Variants in LUC7L observed in about 807,000 individuals in gnomAD.
LUC7L encodes the protein LUC7 like.
In LUC7L, 29 loss-of-function variants were observed where a neutral mutation model predicts 51.1. The observed-to-expected ratio is 0.57, with a 90% confidence interval of 0.42 to 0.77. The LOEUF (loss-of-function observed/expected upper bound fraction) is 0.77. Among genes scored for constraint, LUC7L ranks in the 30% least tolerant of loss-of-function variants. The pLI is 0.00. For missense variants in LUC7L, 403 were observed against 511.9 expected, an observed-to-expected ratio of 0.79 and a Z score of 2.05; for synonymous variants, 181 against 180.7, an observed-to-expected ratio of 1.00 and a Z score of -0.01.
chr16:202,296 G>C (rs1301876913), intron 5 of LUC7L, among the ~76,000 whole-genome samples: 1 of 152,032 alleles, frequency 6.6e-6, no homozygotes, highest in Non-Finnish European at 1.5e-5. Flanking sequence ...TCAGCTCTGA[G>C]GTGAACTCAC....
chr16:225,539 T>C (rs761618137), intron 2 of LUC7L, among the ~76,000 whole-genome samples: 6 of 133,734 alleles, frequency 4.5e-5, no homozygotes, highest in Non-Finnish European at 7.8e-5. Context: ...CAGGCTGGAG[T>C]GCAATGGCTC....
At chr16:215,768 A>G (rs1462102682) in intron 3 of LUC7L, among the ~76,000 whole-genome samples, 1 of 151,954 alleles carries the variant, frequency 6.6e-6, no homozygotes, top group Admixed American at 6.6e-5. Context: ...ATGCCACTGT[A>G]CTCCAGCCTG....
chr16:198,278 C>CAAAAAAA (rs35125597), intron 6 of LUC7L, among the ~76,000 whole-genome samples: 1 of 49,254 alleles, frequency 2.0e-5, no homozygotes, highest in Non-Finnish European at 3.3e-5. Context: ...GACTCCATCT[C>CAAAAAAA]AAAAAAAAAA....
chr16:220,441 AAC>A, intron 3 of LUC7L: 1 of 488,464 alleles, frequency 2.0e-6, no homozygotes, highest in Non-Finnish European at 3.6e-6. Context: ...AAAATGAGAT[AAC>A]ACATATTATC....
At chr16:189,911 G>T (rs2048964357) in intron 9 of LUC7L, 57 bp downstream of exon 9, 2 of 1,566,468 alleles carry the variant, frequency 1.3e-6, no homozygotes, top group Non-Finnish European at 8.7e-7. Flanking sequence ...CAGACCCTGG[G>T]AACACAGAGA....
At chr16:228,186 T>C (rs965913334) in intron 1 of LUC7L, 1 of 1,262,614 alleles carries the variant, frequency 7.9e-7, no homozygotes, top group Non-Finnish European at 1.0e-6. Context: ...AGAGGAGGAA[T>C]ATATTTTAGG....
intron 4 of LUC7L, 61 bp from the exon 5 acceptor site, chr16:206,208 C>T: frequency 6.6e-7 from 1 of 1,526,394 alleles, no homozygotes; most frequent in Non-Finnish European, 9.0e-7. Context: ...GCAAAGGCAA[C>T]AAGGGTTTCT....
At chr16:222,552 C>T (rs1337625401) in intron 2 of LUC7L, among the ~76,000 whole-genome samples, 1 of 151,910 alleles carries the variant, frequency 6.6e-6, no homozygotes, top group Non-Finnish European at 1.5e-5. Context: ...GGGAAGAGAT[C>T]GCTTGAGCCT....
At chr16:213,063 C>T (rs2049690307) in intron 3 of LUC7L, among the ~76,000 whole-genome samples, 1 of 152,004 alleles carries the variant, frequency 6.6e-6, no homozygotes, top group Non-Finnish European at 1.5e-5. Flanking sequence ...GCACACCTGG[C>T]CATCTGTAAC....
At chr16:216,008 GT>G (rs376983590) in intron 3 of LUC7L, among the ~76,000 whole-genome samples, 4 of 148,100 alleles carry the variant, frequency 2.7e-5, no homozygotes, top group Non-Finnish European at 3.0e-5. Context: ...CCGGTTTACT[GT>G]TTTTTTTTTG....
intron 7 of LUC7L, among the ~76,000 whole-genome samples, chr16:191,211 G>T (rs1203957): frequency 0.16 from 24,268 of 152,124 alleles, 2,293 homozygotes; most frequent in African/African-American, 0.25. Flanking sequence ...CTTTACAACA[G>T]ACACCAGCAC....
intron 3 of LUC7L, chr16:209,585 A>G (rs2049581080): frequency 6.6e-6 from 1 of 152,134 alleles, no homozygotes; most frequent in African/African-American, 2.4e-5. Flanking sequence ...TCAGCTTGCT[A>G]ATGTCAGCAT....
chr16:201,675 G>T (rs959106909), intron 5 of LUC7L, among the ~76,000 whole-genome samples: 3 of 148,920 alleles, frequency 2.0e-5, no homozygotes, highest in African/African-American at 7.4e-5. Flanking sequence ...TCCTGACCTC[G>T]TGATCCACCC....
chr16:219,388 A>G (rs2049902265), intron 3 of LUC7L, among the ~76,000 whole-genome samples: 1 of 152,106 alleles, frequency 6.6e-6, no homozygotes. Flanking sequence ...ACTCTGTCTC[A>G]AAATAAATAA....
At chr16:223,919 G>GCCT (rs764935530) in intron 2 of LUC7L, among the ~76,000 whole-genome samples, 4 of 151,400 alleles carry the variant, frequency 2.6e-5, no homozygotes, top group East Asian at 1.9e-4. Context: ...TGATCCACCC[G>GCCT]CCTCCTCCTC....
chr16:190,022 C>T lies in LUC7L; in HGVS notation c.920G>A (p.Arg307Gln), dbSNP rs561704484. The T allele has an allele frequency of 3.1e-4, 501 of 1,613,992 alleles. 15 individuals carry two copies. In the South Asian group the frequency reaches 3.2e-3, roughly 10 times the overall value. Residue 307 changes from arginine (R) to glutamine (Q), a missense_variant, in exon 9 of 10, where the codon CGG becomes CAG. Around this residue, in one of 3 missense-constraint regions of LUC7L, gnomAD observed 206 missense variants for 218.3 expected, o/e 0.94. Coordinates refer to ENST00000293872, the MANE Select transcript of LUC7L (RefSeq NM_201412.3). ...CCGACGATGTCCCCGGCTGTGGCTC[C>T]GGGAACGGCTGCGGTGGCGCCGATG... ...DRHRRHRSRS[R>Q]SHSRGHRRAS...
At chr16:229,047 G>T in intron 1 of LUC7L, 1 of 1,419,830 alleles carries the variant, frequency 7.0e-7, no homozygotes, top group Non-Finnish European at 9.2e-7. Context: ...GGAGGCTGAA[G>T]CCCCATCCAT....
intron 2 of LUC7L, among the ~76,000 whole-genome samples, chr16:224,842 A>AT (rs2050084034): frequency 1.3e-5 from 2 of 151,946 alleles, no homozygotes; most frequent in Non-Finnish European, 2.9e-5. Flanking sequence ...AAAAAAAAAA[A>AT]CCTCACATGA....
rs903162027 is a variant in LUC7L, at chr16:206,150, G to A, written c.367-3C>T. The A allele has an allele frequency of 1.2e-6, 2 of 1,611,830 alleles. No individual in the cohort carries two copies. Among genetic ancestry groups the A allele is most frequent in the Non-Finnish European group, 8.5e-7 (1 of 1,179,534 alleles). ...TTTAACTCATGTACTTTTTCTGCCTGTGAGGAGAAAGAATGAGGTAAGCAG... is the reference window on the plus strand; with the variant it reads ...TTTAACTCATGTACTTTTTCTGCCTATGAGGAGAAAGAATGAGGTAAGCAG... On this transcript the variant is annotated splice_region_variant and splice_polypyrimidine_tract_variant and intron_variant, in intron 4 of 9. Transcript: ENST00000293872.
Sources: gnomAD v4.1 joint callset for allele counts (sites outside exome capture counted in the v4.1 genomes callset) on GRCh38, gnomAD v4.1.1 for gene constraint, gnomAD v4.1.1 regional missense constraint, MANE v1.5 for transcripts, NCBI Gene and HGNC (gene_info 2026-07-23, HGNC 2026-07-21) for gene names.